Variants in LTK observed in about 807,000 individuals in gnomAD.
LTK encodes leukocyte tyrosine kinase receptor.
A neutral mutation model predicts 101.5 loss-of-function variants in LTK; 117 were observed. That is an observed-to-expected ratio of 1.15 (90% CI 0.99 to 1.34). LTK has a LOEUF of 1.34. Among genes scored for constraint, LTK ranks in the 40% most tolerant of loss-of-function variants. The pLI, the probability that LTK is intolerant of heterozygous loss-of-function variation, is 0.00. For missense variants in LTK, 1,252 were observed against 1,164.7 expected (o/e 1.07, Z -1.09); for synonymous variants, 563 against 494.2 (o/e 1.14, Z -1.85).
rs1390505861 is a variant in LTK at position 41,505,769 on chromosome 15, T to C, written c.1641A>G (p.Pro547=). 6.2e-7 allele frequency: 1 copy of C among 1,613,902 alleles called. No individual in the cohort carries two copies. The highest frequency in any genetic ancestry group is 1.1e-5 in the South Asian group (1 of 91,064). ...SPLQVAIKTL[P]ELCSPQDELD... ...GCTCATCCTGAGGCGAGCAGAGTTC[T>C]GGCAGGGTCTGGGGAGGAAAAGGGC... Residue 547 remains proline (P), a synonymous_variant, in exon 13 of 20, where the codon CCA becomes CCG. Coordinates refer to ENST00000263800, the MANE Select transcript of LTK (RefSeq NM_002344.6).
chr15:41,512,712 C>T lies in LTK; in HGVS notation c.354G>A (p.Gln118=), dbSNP rs942726890. 3 of 1,583,132 alleles carry T rather than the reference C, an allele frequency of 1.9e-6. No individual in the cohort carries two copies. In the African/African-American group the frequency reaches 4.0e-5, roughly 21 times the overall value. The change falls in exon 3 of 20, where the codon CAG becomes CAA. Residue 118 remains glutamine (Q), a synonymous_variant. Transcript: ENST00000263800. ...TACCTCCGCCGTGCACTTACAGATA[C>T]TGGCCAGGGCCCGGCACGCGCCACA... ...VQLWRVPGPG[Q]YLISAYGAAG...
chr15:41,504,507 C>A lies in LTK; in HGVS notation c.2254G>T (p.Val752Leu), dbSNP rs1337307035. 9 of 1,613,136 alleles carry A rather than the reference C, an allele frequency of 5.6e-6. No homozygotes were observed. Among genetic ancestry groups the A allele is most frequent in the Non-Finnish European group, 7.6e-6 (9 of 1,179,466 alleles). The change falls in exon 18 of 20, where the codon GTG (valine) becomes TTG (leucine). Residue 752 changes from valine (V) to leucine (L), a missense_variant and splice_region_variant. Val to Leu is a conservative substitution (Grantham distance 32). Coordinates refer to ENST00000263800, the MANE Select transcript of LTK (RefSeq NM_002344.6). The stretch of plus-strand genomic sequence containing the variant: ...CTTCCCGGGCAGCACTCAACTCACA[C>A]AGGCCCTGGGCAGCCCCTAGGAGGG... Reference protein sequence around the residue: ...MDPPRGCPGPVYRIMTQCWQH... With the variant: ...MDPPRGCPGPLYRIMTQCWQH...
intron 9 of LTK, among the ~76,000 whole-genome samples, 195 bp from the exon 10 acceptor site, chr15:41,507,852 G>C (rs1469928249): frequency 1.3e-5 from 2 of 152,154 alleles, no homozygotes; most frequent in Non-Finnish European, 2.9e-5. Flanking sequence ...ATCGTCACTT[G>C]AGATATACAT....
At chr15:41,505,674 C>T (rs765344982) in intron 13 of LTK, 39 bp downstream of exon 13, 1 of 1,612,032 alleles carries the variant, frequency 6.2e-7, no homozygotes, top group Non-Finnish European at 8.5e-7. Context: ...CGGGCATTCC[C>T]CTCCCGCCTT....
Position 41,507,218 on chromosome 15 carries a change from C to A in LTK, c.1418G>T (p.Arg473Leu). Residue 473 changes from arginine (R) to leucine (L), a missense_variant, in exon 11 of 20, where the codon CGA (arginine) becomes CTA (leucine). By Grantham distance (102) the Arg-to-Leu change is moderately radical (BLOSUM62 -2). Coordinates refer to ENST00000263800, the MANE Select transcript of LTK (RefSeq NM_002344.6). ...GGGGGCTGTCCTGATGGCAGAGGTT[C>A]GAAGCTTGCTCAGCTCAAGCTCAGG... ...PSPELELSKL[R>L]TSAIRTAPNP... The A allele has an allele frequency of 6.2e-7, 1 of 1,613,576 alleles. No homozygotes were observed. Among genetic ancestry groups the A allele is most frequent in the South Asian group, 1.1e-5 (1 of 91,048 alleles).
rs371913807 is a variant in LTK, at chr15:41,505,201, T to G, written c.1925+7A>C. The stretch of plus-strand genomic sequence containing the variant: ...TGGGGGTCCCCTGAGCCAGGACTGC[T>G]CCTAACCTGTGGATGAAGTGATTTT... On this transcript the variant is annotated splice_region_variant and intron_variant, in intron 15 of 19. Coordinates refer to ENST00000263800, the MANE Select transcript of LTK (RefSeq NM_002344.6). 5.0e-6 allele frequency: 8 copies of G among 1,613,724 alleles called. No homozygotes were observed. In the East Asian group the frequency reaches 1.1e-4, roughly 22 times the overall value.
chr15:41,511,835 G>GGCCCCCCCCC lies in LTK; in HGVS notation c.638_639insGGGGGGGGGC (p.Ala214GlyfsTer130). The GGCCCCCCCCC allele has an allele frequency of 6.8e-7, 1 of 1,477,304 alleles. No individual in the cohort carries two copies. Among genetic ancestry groups the GGCCCCCCCCC allele is most frequent in the Non-Finnish European group, 8.9e-7 (1 of 1,122,382 alleles). 91.5% of individuals were successfully genotyped at this position (1,477,304 alleles called of 1,614,324 possible). A position where few individuals can be genotyped will look rare whatever the true frequency, so the allele number is the denominator to read the frequency against. On this transcript the variant is annotated frameshift_variant, in exon 5 of 20. Coordinates refer to ENST00000263800, the MANE Select transcript of LTK (RefSeq NM_002344.6). LOFTEE classifies it high-confidence loss of function. The surrounding 1 kb of genome is among the most constrained non-coding windows in gnomAD (Gnocchi z 5.9). ...CACGTACCCGGAAAACGTAGGTGGC[G>GGCCCCCCCCC]CCCCCGCCACCCCCGCCACCTCCCG...
At position 41,511,930 on chromosome 15, in the gene LTK, C is replaced by A. The variant is rs1339467646; in HGVS notation, c.544G>T (p.Glu182Ter). The A allele has an allele frequency of 1.3e-6, 2 of 1,501,878 alleles. No homozygotes were observed. Among genetic ancestry groups the A allele is most frequent in the Non-Finnish European group, 8.8e-7 (1 of 1,140,234 alleles). The allele number at this position is 1,501,878 out of a possible 1,614,324, so 93.0% of individuals were successfully genotyped here. ...GCGTGCTCTTCAACGGCTCGAGACT[C>A]CCCGAGGCAGACGAGCTGGCTCTCC... Reference protein sequence around the residue: ...SPESQLVCLGESRAVEEHAAM... With the variant: ...SPESQLVCLG The change falls in exon 5 of 20, where the codon GAG becomes TAG. Residue 182 changes from glutamate to a stop codon, truncating the protein, a stop_gained. Coordinates refer to ENST00000263800, the MANE Select transcript of LTK (RefSeq NM_002344.6). LOFTEE classifies it high-confidence loss of function. This position sits in a 1 kb window ranked among gnomAD's most constrained non-coding sequence, Gnocchi z 5.9.
At position 41,511,567 on chromosome 15, in the gene LTK, G is replaced by T. The variant is rs1425853145; in HGVS notation, c.669C>A (p.Gly223=). Residue 223 remains glycine, a synonymous_variant, in exon 6 of 20, where the codon GGC becomes GGA. Transcript: ENST00000263800. This position sits in a 1 kb window ranked among gnomAD's most constrained non-coding sequence, Gnocchi z 5.9. ...CCGCCACCAGCAACGGTTCCAGCTCGCCAGCGCGCACCTGTGGGGCCAGCG... is the reference window on the plus strand; with the variant it reads ...CCGCCACCAGCAACGGTTCCAGCTCTCCAGCGCGCACCTGTGGGGCCAGCG... The part of the protein sequence containing the change: ...GATYVFRVRA[G]ELEPLLVAAG... 1 of 1,446,004 alleles carries T rather than the reference G, an allele frequency of 6.9e-7. No individual in the cohort carries two copies. The highest frequency in any genetic ancestry group is 9.0e-7 in the Non-Finnish European group (1 of 1,111,336). 89.6% of individuals were successfully genotyped at this position (1,446,004 alleles called of 1,614,324 possible).
chr15:41,512,211 C>CCG lies in LTK; in HGVS notation c.412_413dup (p.Ala139GlyfsTer103). 1 of 1,613,192 alleles carries CCG rather than the reference C, an allele frequency of 6.2e-7. No homozygotes were observed. Among genetic ancestry groups the CCG allele is most frequent in the Non-Finnish European group, 8.5e-7 (1 of 1,179,848 alleles). ...TTGCTGAGACGAAGACGCCATGCGC[C>CCG]CGCGACAGGTGGTTCTTGGCGCCTT... On this transcript the variant is annotated frameshift_variant, in exon 4 of 20. Coordinates refer to ENST00000263800, the MANE Select transcript of LTK (RefSeq NM_002344.6). LOFTEE classifies it high-confidence loss of function.
In LTK at chr15:41,513,526, A is replaced by G; in HGVS notation, c.43+141T>C. The G allele has an allele frequency of 3.8e-6, 3 of 783,014 alleles. No individual in the cohort carries two copies. In the East Asian group the frequency reaches 7.7e-5, roughly 20 times the overall value. The allele number at this position is 783,014 out of a possible 1,614,324, so 48.5% of individuals were successfully genotyped here. A position where few individuals can be genotyped will look rare whatever the true frequency, so the allele number is the denominator to read the frequency against. ...TGGCGCTTCTCGGCCCGCACTCCAG[A>G]AGCACGGACCGGAGAAATTTGGCTG... On this transcript the variant is annotated intron_variant, in intron 1 of 19. Transcript: ENST00000263800.
Position 41,503,996 on chromosome 15 carries a change from T to C in LTK, c.2595A>G (p.Ter865TrpextTer10). The change falls in exon 20 of 20, where the codon TGA becomes TGG. Residue 865 changes from the stop codon to tryptophan (W), a stop_lost. Coordinates refer to ENST00000263800, the MANE Select transcript of LTK (RefSeq NM_002344.6). ...QNLWNPTYRS* is the reference protein window; with the variant it reads ...QNLWNPTYRSW ...CCTTACCCTCAGGGCCCCTTGGGGC[T>C]CAGGAGCGATAAGTGGGATTCCAAA... 1.3e-6 allele frequency: 2 copies of C among 1,599,178 alleles called. No individual in the cohort carries two copies. Among genetic ancestry groups the C allele is most frequent in the Admixed American group, 1.7e-5 (1 of 57,824 alleles).
chr15:41,512,609 C>G, intron 3 of LTK, 98 bp downstream of exon 3: 1 of 1,395,600 alleles, frequency 7.2e-7, no homozygotes, highest in Non-Finnish European at 9.4e-7. Context: ...GCGGAATAGT[C>G]CAAGACGCAA....
At chr15:41,504,479 T>C (rs1039995728) in intron 18 of LTK, 27 bp downstream of exon 18, 1 of 1,613,670 alleles carries the variant, frequency 6.2e-7, no homozygotes, top group African/African-American at 1.3e-5. Context: ...GTGAAGGACC[T>C]CCCTTCCCGG....
chr15:41,508,603 A>G (rs947879855), intron 8 of LTK, among the ~76,000 whole-genome samples: 4 of 139,344 alleles, frequency 2.9e-5, no homozygotes, highest in Non-Finnish European at 6.7e-5. Flanking sequence ...AAATAAATAA[A>G]TACATGCCTT....
Position 41,504,098 on chromosome 15 carries a change from C to T in LTK, c.2493G>A (p.Trp831Ter). The T allele has an allele frequency of 6.2e-7, 1 of 1,614,104 alleles. No individual in the cohort carries two copies. Among genetic ancestry groups the T allele is most frequent in the Non-Finnish European group, 8.5e-7 (1 of 1,180,032 alleles). The change falls in exon 20 of 20, where the codon TGG becomes TGA. Residue 831 changes from tryptophan to a stop codon, truncating the protein, a stop_gained. Transcript: ENST00000263800. LOFTEE classifies it low-confidence loss of function (END_TRUNC). ...GCCAGGGGCCAAGAGGGCTACCTCC[C>T]CAGCTTTTCAACTTCTCTGGACTCA... is the stretch of plus-strand genomic sequence containing the variant. The part of the protein sequence containing the change: ...QELSPEKLKS[W>*]GGSPLGPWLS...
In LTK at chr15:41,504,085, G is replaced by A; in HGVS notation, c.2506C>T (p.Leu836Phe). ...EKLKSWGGSP[L>F]GPWLSSGLKP... ...AGGCCAGAGGACAGCCAGGGGCCAA[G>A]AGGGCTACCTCCCCAGCTTTTCAAC... The change falls in exon 20 of 20, where the codon CTT (leucine) becomes TTT (phenylalanine). Residue 836 changes from leucine (L) to phenylalanine (F), a missense_variant. Transcript: ENST00000263800. The A allele has an allele frequency of 6.2e-7, 1 of 1,614,078 alleles. No individual in the cohort carries two copies. Among genetic ancestry groups the A allele is most frequent in the African/African-American group, 1.3e-5 (1 of 75,078 alleles).
Position 41,504,612 on chromosome 15 carries a change from A to G in LTK, c.2149T>C (p.Phe717Leu). The change falls in exon 18 of 20, where the codon TTC (phenylalanine) becomes CTC (leucine). Residue 717 changes from phenylalanine to leucine, a missense_variant. Transcript: ENST00000263800. ...WSFGVLLWEI[F>L]SLGYMPYPGR... ...GGATAGGGCATGTAGCCCAGTGAGA[A>G]GATCTCCCAGAGCAGCACCCCAAAA... The G allele has an allele frequency of 6.8e-6, 11 of 1,613,574 alleles. No individual in the cohort carries two copies. Among genetic ancestry groups the G allele is most frequent in the Non-Finnish European group, 9.3e-6 (11 of 1,179,966 alleles).
chr15:41,506,965 G>T, intron 11 of LTK, 130 bp downstream of exon 11: 2 of 780,122 alleles, frequency 2.6e-6, no homozygotes, highest in Non-Finnish European at 4.1e-6. Context: ...GCTTCTCAGG[G>T]CCTCCCTCTC....
Sources: gnomAD v4.1 joint callset for allele counts (sites outside exome capture counted in the v4.1 genomes callset) on GRCh38, gnomAD v4.1.1 for gene constraint, Gnocchi (gnomAD v3.1) non-coding constraint, MANE v1.5 for transcripts, NCBI Gene and HGNC (gene_info 2026-07-23, HGNC 2026-07-21) for gene names.